The following PCDHGB3 variants were observed in gnomAD, a reference collection of about 807,000 sequenced individuals.
PCDHGB3 encodes the protein protocadherin gamma subfamily B, 3.
A neutral mutation model predicts 59.2 loss-of-function variants in PCDHGB3; 40 were observed. That is an observed-to-expected ratio of 0.68 (90% CI 0.52 to 0.88). PCDHGB3 has a LOEUF of 0.88. PCDHGB3 is among the 40% of genes least tolerant of loss of function. The probability of loss-of-function intolerance (pLI) is 0.00; values close to 1 mark genes in which losing one functional copy is unlikely to be tolerated. For missense variants in PCDHGB3, 1,309 were observed against 1,187.9 expected, an observed-to-expected ratio of 1.10 and a Z score of -1.50; for synonymous variants, 581 against 503.6, an observed-to-expected ratio of 1.15 and a Z score of -2.06.
chr5:141,388,795 C>T, intron 1 of PCDHGB3: 1 of 1,613,834 alleles, frequency 6.2e-7, no homozygotes, highest in Admixed American at 1.7e-5. Context: ...GTTTTAAATA[C>T]ATTAGATTTT....
intron 2 of PCDHGB3, among the ~76,000 whole-genome samples, chr5:141,501,092 C>A: frequency 6.6e-6 from 1 of 152,118 alleles, no homozygotes; most frequent in East Asian, 1.9e-4. Flanking sequence ...TGGTCTCAAT[C>A]TCTTGACCTC....
At position 141,427,298 on chromosome 5, in the gene PCDHGB3, G is replaced by A. The variant is rs960474831; in HGVS notation, c.2415+54489G>A. The A allele has an allele frequency of 8.8e-6, 4 of 456,870 alleles. No individual in the cohort carries two copies. The Admixed American group carries it at 9.4e-5, about 11-fold the overall frequency. 28.3% of individuals were successfully genotyped at this position (456,870 alleles called of 1,614,324 possible). A position where few individuals can be genotyped will look rare whatever the true frequency, so the allele number is the denominator to read the frequency against. On this transcript the variant is annotated intron_variant, in intron 1 of 3. Coordinates refer to ENST00000576222, the MANE Select transcript of PCDHGB3 (RefSeq NM_018924.5). ...AAATTATACTAGAAATCCTAGATGA[G>A]AATGACAATGCCCCAGACGTGGTTT...
intron 1 of PCDHGB3, among the ~76,000 whole-genome samples, chr5:141,454,900 C>T (rs1411402448): frequency 1.4e-5 from 2 of 145,486 alleles, no homozygotes; most frequent in African/African-American, 2.6e-5. Flanking sequence ...CACCGCCTCC[C>T]GGGTTCACGC....
At position 141,408,408 on chromosome 5, in the gene PCDHGB3, G is replaced by A. The variant is rs376957467; in HGVS notation, c.2415+35599G>A. On this transcript the variant is annotated intron_variant, in intron 1 of 3. Coordinates refer to ENST00000576222, the MANE Select transcript of PCDHGB3 (RefSeq NM_018924.5). The stretch of plus-strand genomic sequence containing the variant: ...GTGTCGGCTCGCAAGCTGCGAGTGA[G>A]CGCGGAGAAGCTGCACTTCAGCGTA... 5 of 1,614,080 alleles carry A rather than the reference G, an allele frequency of 3.1e-6. No homozygotes were observed. The Admixed American group carries it at 5.0e-5, about 16-fold the overall frequency.
chr5:141,415,953 T>C, intron 1 of PCDHGB3: 3 of 486,080 alleles, frequency 6.2e-6, no homozygotes, highest in Non-Finnish European at 9.4e-6. Context: ...TGGTCACATA[T>C]TGAAACTCCA....
intron 1 of PCDHGB3, chr5:141,393,074 G>C (rs775449711): frequency 7.4e-6 from 12 of 1,613,592 alleles, no homozygotes; most frequent in African/African-American, 2.7e-5. Flanking sequence ...TGATCACCGC[G>C]GGCAGGATAG....
rs1319222603 is a variant in PCDHGB3 at position 141,438,686 on chromosome 5, A to G, written c.2416-56121A>G. Among the ~76,000 whole-genome samples the G allele has an allele frequency of 2.8e-5, 4 of 140,922 alleles. No homozygotes were observed. The Admixed American group carries it at 2.9e-4, about 10-fold the overall frequency. 92.5% of individuals were successfully genotyped at this position (140,922 alleles called of 152,430 possible). On this transcript the variant is annotated intron_variant, in intron 1 of 3. Transcript: ENST00000576222. ...TATATATATTTGGAGTAGGGGATGGAGTCTTGCTCTGTCACCCAGGCTGGA... is the reference window on the plus strand; with the variant it reads ...TATATATATTTGGAGTAGGGGATGGGGTCTTGCTCTGTCACCCAGGCTGGA...
At chr5:141,483,534 G>C (rs754118568) in intron 1 of PCDHGB3, among the ~76,000 whole-genome samples, 1 of 152,102 alleles carries the variant, frequency 6.6e-6, no homozygotes, top group Non-Finnish European at 1.5e-5. Flanking sequence ...AAGGAAGCTG[G>C]GTGGTTGACA....
At chr5:141,444,876 G>A (rs921183358) in intron 1 of PCDHGB3, among the ~76,000 whole-genome samples, 1 of 152,186 alleles carries the variant, frequency 6.6e-6, no homozygotes, top group African/African-American at 2.4e-5. Flanking sequence ...GACAAAGCTT[G>A]TAGGATTTTT....
chr5:141,413,575 G>A lies in PCDHGB3; in HGVS notation c.2415+40766G>A, dbSNP rs762938003. The stretch of plus-strand genomic sequence containing the variant: ...AGAAGTAACTGATATCAATGACAAT[G>A]CTCCAAAATTCCAAGCAGAAAATCT... On this transcript the variant is annotated intron_variant, in intron 1 of 3. Transcript: ENST00000576222. 4.3e-6 allele frequency: 7 copies of A among 1,613,886 alleles called. No individual in the cohort carries two copies. In the South Asian group the frequency reaches 6.6e-5, roughly 15 times the overall value.
intron 1 of PCDHGB3, among the ~76,000 whole-genome samples, chr5:141,482,884 C>A (rs2099574053): frequency 6.6e-6 from 1 of 152,116 alleles, no homozygotes; most frequent in Non-Finnish European, 1.5e-5. Flanking sequence ...CCAGCCTGGC[C>A]AACATGGTGA....
intron 1 of PCDHGB3, chr5:141,421,333 G>A (rs1458277535): frequency 2.5e-6 from 4 of 1,613,850 alleles, no homozygotes; most frequent in Admixed American, 1.7e-5. Flanking sequence ...CCGATATTCG[G>A]TGCCAGAAGA....
At chr5:141,421,717 G>T in intron 1 of PCDHGB3, 2 of 1,613,932 alleles carry the variant, frequency 1.2e-6, no homozygotes, top group East Asian at 4.5e-5. Context: ...TCCAGATGTG[G>T]GCGTGAACTC....
At chr5:141,430,818 T>G (rs1240970813) in intron 1 of PCDHGB3, 2 of 1,540,582 alleles carry the variant, frequency 1.3e-6, no homozygotes, top group Non-Finnish European at 1.7e-6. Flanking sequence ...GGAATCCTCC[T>G]GGGGACTCTG....
At chr5:141,402,434 A>C (rs2150931474) in intron 1 of PCDHGB3, among the ~76,000 whole-genome samples, 1 of 152,272 alleles carries the variant, frequency 6.6e-6, no homozygotes, top group East Asian at 1.9e-4. Flanking sequence ...AAGCATCATA[A>C]AAAGGAAATT....
At chr5:141,505,666 G>T (rs904221281) in intron 3 of PCDHGB3, among the ~76,000 whole-genome samples, 185 bp downstream of exon 3, 3 of 152,180 alleles carry the variant, frequency 2.0e-5, no homozygotes, top group Non-Finnish European at 4.4e-5. Context: ...ACAGCAGAGG[G>T]GTTGGGGGTC....
At chr5:141,382,839 T>TA in intron 1 of PCDHGB3, 1 of 1,450,270 alleles carries the variant, frequency 6.9e-7, no homozygotes, top group South Asian at 1.4e-5. Flanking sequence ...TCCACCCGGA[T>TA]ACACCCGCAT....
intron 1 of PCDHGB3, chr5:141,374,905 C>CG (rs1561564899): frequency 1.9e-6 from 3 of 1,613,734 alleles, no homozygotes; most frequent in Non-Finnish European, 2.5e-6. Context: ...AAGGAGTCCA[C>CG]GGGGAAGTAA....
At position 141,431,747 on chromosome 5, in the gene PCDHGB3, C is replaced by T. The variant is rs371020840; in HGVS notation, c.2415+58938C>T. The T allele has an allele frequency of 5.0e-6, 8 of 1,614,064 alleles. No individual in the cohort carries two copies. In the Admixed American group the frequency reaches 5.0e-5, roughly 10 times the overall value. On this transcript the variant is annotated intron_variant, in intron 1 of 3. Transcript: ENST00000576222. This position sits in a 1 kb window ranked among gnomAD's most constrained non-coding sequence, Gnocchi z 4.8. ...AATGGATAATGCAGGATATTCTGCG[C>T]GAGCCAAAGTCCTGATCACTGTTCT...
Sources: gnomAD v4.1 joint callset for allele counts (sites outside exome capture counted in the v4.1 genomes callset) on GRCh38, gnomAD v4.1.1 for gene constraint, Gnocchi (gnomAD v3.1) non-coding constraint, MANE v1.5 for transcripts, NCBI Gene and HGNC (gene_info 2026-07-23, HGNC 2026-07-21) for gene names.